The following MRTFB variants were observed in gnomAD, a reference collection of about 807,000 sequenced individuals.
MRTFB encodes myocardin-related transcription factor B.
In MRTFB, 29 loss-of-function variants were observed where a neutral mutation model predicts 104.2. The observed-to-expected ratio is 0.28, with a 90% confidence interval of 0.21 to 0.38. MRTFB has a LOEUF of 0.38. Ranked by LOEUF, MRTFB falls within the 10% of genes least tolerant of loss-of-function variation. The pLI, the probability that MRTFB is intolerant of heterozygous loss-of-function variation, is 1.00. For missense variants in MRTFB, 1,270 were observed against 1,341.6 expected, an observed-to-expected ratio of 0.95 and a Z score of 0.83; for synonymous variants, 535 against 519.5, an observed-to-expected ratio of 1.03 and a Z score of -0.41.
At chr16:14,195,361 G>C (rs947281991) in intron 3 of MRTFB, 10 of 228,452 alleles carry the variant, frequency 4.4e-5, no homozygotes, top group Non-Finnish European at 7.2e-5. Context: ...ATGATATTAG[G>C]ATAACACACA....
rs1007606658 is a variant in MRTFB at position 14,233,781 on chromosome 16, C to CAAAA, written c.694-345_694-342dup. 1.7e-3 allele frequency among the ~76,000 whole-genome samples: 84 copies of CAAAA among 49,674 alleles called. 1 individual carries two copies. Among genetic ancestry groups the CAAAA allele is most frequent in the East Asian group, 1.9e-3 (3 of 1,568 alleles). 32.6% of individuals were successfully genotyped at this position (49,674 alleles called of 152,430 possible). A position where few individuals can be genotyped will look rare whatever the true frequency, so the allele number is the denominator to read the frequency against. The stretch of plus-strand genomic sequence containing the variant: ...TTCCAGCCTGAGTGAGACTCCCTCT[C>CAAAA]AAAAAAAAAAAAAAAAAAAAAAAGA... On this transcript the variant is annotated intron_variant, in intron 8 of 16. Transcript: ENST00000571589.
Position 14,246,561 on chromosome 16 carries a change from A to G in MRTFB, c.1301A>G (p.Gln434Arg). Residue 434 changes from glutamine to arginine, a missense_variant, in exon 12 of 17, where the codon CAG becomes CGG. By Grantham distance (43) the Gln-to-Arg change is conservative. Around this residue, in one of 3 missense-constraint regions of MRTFB, gnomAD observed 1,144 missense variants for 1,131.5 expected, o/e 1.01. Coordinates refer to ENST00000571589, the MANE Select transcript of MRTFB (RefSeq NM_001308142.2). ...CTCATTGAGCGCCTAAAACCCTACC[A>G]GGAAGTGAACAGCAGCGGCCTTGCT... The part of the protein sequence containing the change: ...PDLIERLKPY[Q>R]EVNSSGLAAG... The G allele has an allele frequency of 6.2e-7, 1 of 1,614,216 alleles. No homozygotes were observed. Among genetic ancestry groups the G allele is most frequent in the South Asian group, 1.1e-5 (1 of 91,084 alleles).
At chr16:14,115,594 G>A (rs28666554) in intron 2 of MRTFB, among the ~76,000 whole-genome samples, 20,498 of 152,082 alleles carry the variant, frequency 0.13, 1,945 homozygotes, top group East Asian at 0.29. Context: ...AATTTTAAAA[G>A]GATGACATGT....
intron 3 of MRTFB, among the ~76,000 whole-genome samples, chr16:14,199,426 A>G (rs1350876624): frequency 6.6e-6 from 1 of 152,196 alleles, no homozygotes; most frequent in Non-Finnish European, 1.5e-5. Flanking sequence ...ACTCTCTGCC[A>G]AGACCTTCTG....
At chr16:14,220,530 AAGTTTTT>A (rs1272006896) in intron 8 of MRTFB, among the ~76,000 whole-genome samples, 9 of 152,222 alleles carry the variant, frequency 5.9e-5, no homozygotes, top group African/African-American at 2.2e-4. Context: ...GTCTCCAGCT[AAGTTTTT>A]AATTGAGACG....
intron 8 of MRTFB, among the ~76,000 whole-genome samples, chr16:14,220,028 G>A (rs190503627): frequency 4.5e-4 from 69 of 152,302 alleles, no homozygotes; most frequent in African/African-American, 1.5e-3. Context: ...TGAATGTAGA[G>A]CCGCTACAGC....
chr16:14,220,435 A>G (rs1269899950), intron 8 of MRTFB, among the ~76,000 whole-genome samples: 1 of 152,186 alleles, frequency 6.6e-6, no homozygotes, highest in Non-Finnish European at 1.5e-5. Flanking sequence ...AAATTCCATG[A>G]TCATTTCACC....
At chr16:13,994,938 A>C in the MRTFB span, among the ~76,000 whole-genome samples, 12 of 152,104 alleles carry the variant, frequency 7.9e-5, no homozygotes, top group African/African-American at 2.9e-4. Context: ...CTGCTGGGCT[A>C]GGGTGGGCTT....
intron 15 of MRTFB, 125 bp from the exon 16 acceptor site, chr16:14,257,975 AG>A (rs1182207436): frequency 1.3e-6 from 1 of 776,696 alleles, no homozygotes; most frequent in Non-Finnish European, 2.1e-6. Flanking sequence ...AGGTGACCTC[AG>A]TGTTTTCAAA....
chr16:14,013,736 G>C, the MRTFB span, among the ~76,000 whole-genome samples: 5 of 144,064 alleles, frequency 3.5e-5, no homozygotes, highest in African/African-American at 1.2e-4. Context: ...GATTGAATCA[G>C]GGGCAAAGAG....
chr16:14,118,691 G>A (rs1032638621), intron 2 of MRTFB, among the ~76,000 whole-genome samples: 1 of 150,894 alleles, frequency 6.6e-6, no homozygotes, highest in Admixed American at 6.6e-5. Context: ...ACACACTATT[G>A]ATATATACAT....
At chr16:14,070,875 T>C (rs1358797337), upstream of MRTFB, among the ~76,000 whole-genome samples, 1 of 152,206 alleles carries the variant, frequency 6.6e-6, no homozygotes, top group African/African-American at 2.4e-5. Context: ...GTACTTTCCT[T>C]GCCAGGCCTC....
At chr16:14,212,012 G>A (rs2041210901) in intron 4 of MRTFB, among the ~76,000 whole-genome samples, 1 of 152,130 alleles carries the variant, frequency 6.6e-6, no homozygotes, top group South Asian at 2.1e-4. Flanking sequence ...TTTTTCTATA[G>A]CTTATATGAC....
the MRTFB span, among the ~76,000 whole-genome samples, chr16:14,043,446 T>G: frequency 6.6e-6 from 1 of 152,082 alleles, no homozygotes; most frequent in Non-Finnish European, 1.5e-5. Flanking sequence ...GCTGTGGTCC[T>G]GTGTCTGGCA....
At chr16:14,074,869 A>G (rs1318372041) in intron 1 of MRTFB, among the ~76,000 whole-genome samples, 3 of 152,236 alleles carry the variant, frequency 2.0e-5, no homozygotes, top group African/African-American at 4.8e-5. Context: ...ATGTTTGTAA[A>G]TATAAGAACC....
intron 8 of MRTFB, among the ~76,000 whole-genome samples, chr16:14,227,234 T>C: frequency 6.6e-6 from 1 of 151,904 alleles, no homozygotes; most frequent in East Asian, 1.9e-4. Flanking sequence ...CCCTTAGAGA[T>C]AAGTGAATTC....
intron 8 of MRTFB, among the ~76,000 whole-genome samples, chr16:14,227,944 T>C (rs1255994261): frequency 6.9e-6 from 1 of 145,638 alleles, no homozygotes; most frequent in Non-Finnish European, 1.5e-5. Flanking sequence ...TTTGTTGCAG[T>C]CTATCTTAAA....
Position 14,140,561 on chromosome 16 carries a change from GT to G in MRTFB, c.-43del, listed in dbSNP as rs1441883264. The G allele has an allele frequency of 3.2e-5, 52 of 1,608,732 alleles. No individual in the cohort carries two copies. The highest frequency in any genetic ancestry group is 4.3e-5 in the Non-Finnish European group (51 of 1,176,410). ...TTTGGCAGTGTCTTCAATAGGCCGTGTTTAAGAGGCGTCTTACACTCCCTGT... is the reference window on the plus strand; with the variant it reads ...TTTGGCAGTGTCTTCAATAGGCCGTGTTAAGAGGCGTCTTACACTCCCTGT... On this transcript the variant is annotated 5_prime_UTR_variant, in exon 3 of 17. Transcript: ENST00000571589.
At chr16:14,239,055 A>C (rs1249621651) in intron 9 of MRTFB, among the ~76,000 whole-genome samples, 1 of 150,882 alleles carries the variant, frequency 6.6e-6, no homozygotes, top group African/African-American at 2.5e-5. Flanking sequence ...TTTGGTTCTC[A>C]TGAGTAAGAG....
Sources: allele counts gnomAD v4.1 joint callset (sites outside exome capture counted in the v4.1 genomes callset), GRCh38; gene constraint gnomAD v4.1.1; regional missense constraint gnomAD v4.1.1; transcripts MANE v1.5; gene names NCBI Gene and HGNC (gene_info 2026-07-23, HGNC 2026-07-21).